Variants in SFRP1 observed in about 807,000 individuals in gnomAD.
The protein encoded by SFRP1 is secreted frizzled related protein 1.
In SFRP1, 9 loss-of-function variants were observed where a neutral mutation model predicts 25.9. The ratio of observed to expected loss-of-function variants is 0.35; its 90% CI spans 0.21 to 0.61. SFRP1 has a LOEUF of 0.61. Among genes scored for constraint, SFRP1 ranks in the 20% least tolerant of loss-of-function variants. SFRP1 has a pLI of 0.78. For synonymous variants in SFRP1, 178 were observed against 174.0 expected (o/e 1.02, Z -0.18); for missense variants, 346 against 418.2 (o/e 0.83, Z 1.51).
At chr8:41,306,773 C>G (rs756565688) in intron 1 of SFRP1, 6 of 1,598,126 alleles carry the variant, frequency 3.8e-6, no homozygotes, top group Non-Finnish European at 5.1e-6. Flanking sequence ...CCAAGCCAGG[C>G]TGAGAAGGGC....
chr8:41,268,787 G>T (rs906572907), intron 2 of SFRP1, among the ~76,000 whole-genome samples: 1 of 152,182 alleles, frequency 6.6e-6, no homozygotes, highest in Non-Finnish European at 1.5e-5. Flanking sequence ...GGCTGCTGGG[G>T]CGAGGGCAGG....
At chr8:41,291,822 T>C (rs952630020) in intron 2 of SFRP1, among the ~76,000 whole-genome samples, 6 of 152,082 alleles carry the variant, frequency 3.9e-5, no homozygotes, top group African/African-American at 1.2e-4. Flanking sequence ...GGAAACACCA[T>C]GAGGAGCAGC....
At position 41,309,156 on chromosome 8, in the gene SFRP1, C is replaced by G. The variant is rs1040811307; in HGVS notation, c.4G>C (p.Gly2Arg). The change falls in exon 1 of 3, where the codon GGC (glycine) becomes CGC (arginine). Residue 2 changes from glycine (G) to arginine (R), a missense_variant. Coordinates refer to ENST00000220772, the MANE Select transcript of SFRP1 (RefSeq NM_003012.5). MGIGRSEGGRRG... is the reference protein window; with the variant it reads MRIGRSEGGRRG... ...CGGCCCCCCTCGCTGCGCCCGATGC[C>G]CATGCCGGCTCTGCGCCCTGTTCTC... The G allele has an allele frequency of 2.9e-6, 4 of 1,395,770 alleles. No individual in the cohort carries two copies. Among genetic ancestry groups the G allele is most frequent in the African/African-American group, 3.1e-5 (2 of 65,312 alleles). The allele number at this position is 1,395,770 out of a possible 1,614,324, so 86.5% of individuals were successfully genotyped here.
At chr8:41,279,957 C>T (rs576164985) in intron 2 of SFRP1, among the ~76,000 whole-genome samples, 22 of 152,330 alleles carry the variant, frequency 1.4e-4, no homozygotes, top group Middle Eastern at 3.4e-3. Flanking sequence ...CCTGAATAGT[C>T]TCTTTCTTTT....
intron 2 of SFRP1, among the ~76,000 whole-genome samples, chr8:41,270,501 T>G (rs980019160): frequency 3.3e-5 from 5 of 151,836 alleles, no homozygotes; most frequent in African/African-American, 1.2e-4. Context: ...ACAAGCCCAT[T>G]TGCACTCCAG....
At position 41,303,442 on chromosome 8, in the gene SFRP1, G is replaced by A. The variant is rs375196121; in HGVS notation, c.622+19C>T. The A allele has an allele frequency of 1.0e-5, 16 of 1,603,022 alleles. No individual in the cohort carries two copies. In the African/African-American group the frequency reaches 1.9e-4, roughly 19 times the overall value. ...GGAGGTTCCAAACCTTCCAGAGGCA[G>A]CTAGAAACGCTTTCTTACCAAACTC... On this transcript the variant is annotated intron_variant, in intron 2 of 2. Transcript: ENST00000220772.
intron 2 of SFRP1, among the ~76,000 whole-genome samples, chr8:41,289,768 T>C (rs1031156790): frequency 6.6e-6 from 1 of 152,218 alleles, no homozygotes; most frequent in Non-Finnish European, 1.5e-5. Context: ...ACCAAGACCA[T>C]AGGAGTGTTC....
rs117882168 is a variant in SFRP1 at position 41,273,643 on chromosome 8, C to T, written c.623-8154G>A. The stretch of plus-strand genomic sequence containing the variant: ...CTATTTAAAAAAATGCAGAATTAAA[C>T]AAGACACGGGATTCAGGAAACCAAA... On this transcript the variant is annotated intron_variant, in intron 2 of 2. Coordinates refer to ENST00000220772, the MANE Select transcript of SFRP1 (RefSeq NM_003012.5). 3.6e-4 allele frequency among the ~76,000 whole-genome samples: 55 copies of T among 152,198 alleles called. No individual in the cohort carries two copies. The East Asian group carries it at 0.01, about 28-fold the overall frequency.
chr8:41,268,345 A>C (rs1439861430), intron 2 of SFRP1, among the ~76,000 whole-genome samples: 1 of 151,692 alleles, frequency 6.6e-6, no homozygotes, highest in African/African-American at 2.4e-5. Context: ...TAACCCCAAA[A>C]CCACTCTTTC....
intron 2 of SFRP1, among the ~76,000 whole-genome samples, chr8:41,274,429 A>G (rs1332549488): frequency 6.6e-6 from 1 of 152,214 alleles, no homozygotes. Context: ...GGAAATAAAT[A>G]TGCAGTACAC....
intron 2 of SFRP1, chr8:41,271,287 G>C (rs1335278946): frequency 6.5e-6 from 1 of 153,994 alleles, no homozygotes; most frequent in Non-Finnish European, 1.5e-5. Flanking sequence ...AAGTATTTAA[G>C]GAAAGCCTCC....
intron 1 of SFRP1, among the ~76,000 whole-genome samples, chr8:41,304,350 A>G (rs7825844): frequency 0.077 from 11,654 of 152,252 alleles, 1,376 homozygotes; most frequent in African/African-American, 0.25. Flanking sequence ...AAAGGACTCC[A>G]GCTTCCCAGG....
At position 41,308,508 on chromosome 8, in the gene SFRP1, A is replaced by G. The variant is rs1180576884; in HGVS notation, c.544+108T>C. 1.4e-5 allele frequency: 13 copies of G among 900,282 alleles called. No homozygotes were observed. In the East Asian group the frequency reaches 3.4e-4, roughly 24 times the overall value. The allele number at this position is 900,282 out of a possible 1,614,324, so 55.8% of individuals were successfully genotyped here. A position where few individuals can be genotyped will look rare whatever the true frequency, so the allele number is the denominator to read the frequency against. ...GAGCAACCTCGGGCCCTCAGTCCCC[A>G]GCACCGGGACCCAGCGGCGGGCGGG... On this transcript the variant is annotated intron_variant, in intron 1 of 2. Transcript: ENST00000220772.
rs2117527207 is a variant in SFRP1 at position 41,309,345 on chromosome 8, A to G, written c.-186T>C. 1 of 540,522 alleles carries G rather than the reference A, an allele frequency of 1.9e-6. No homozygotes were observed. The highest frequency in any genetic ancestry group is 2.6e-6 in the Non-Finnish European group (1 of 390,660). The allele number at this position is 540,522 out of a possible 1,614,324, so 33.5% of individuals were successfully genotyped here. ...GTGGCGGCCCTCGGCCTGCGGTCGG[A>G]GGCGGCGCGGGCGGGGAGGCGGCGC... On this transcript the variant is annotated 5_prime_UTR_variant, in exon 1 of 3. Coordinates refer to ENST00000220772, the MANE Select transcript of SFRP1 (RefSeq NM_003012.5).
chr8:41,291,002 G>C (rs547951168), intron 2 of SFRP1, among the ~76,000 whole-genome samples: 133 of 139,338 alleles, frequency 9.5e-4, no homozygotes, highest in East Asian at 5.5e-3. Flanking sequence ...CACCTCCCAG[G>C]TTCACACCTT....
chr8:41,282,981 C>T (rs564816651), intron 2 of SFRP1, among the ~76,000 whole-genome samples: 10 of 152,266 alleles, frequency 6.6e-5, no homozygotes, highest in Admixed American at 5.2e-4. Flanking sequence ...TGGCTATCTA[C>T]GATCTCATTC....
At chr8:41,265,607 T>G (rs529907140) in intron 2 of SFRP1, 118 bp from the exon 3 acceptor site, 30 of 694,566 alleles carry the variant, frequency 4.3e-5, no homozygotes, top group African/African-American at 3.7e-5. Context: ...TTTTGGCTTA[T>G]ACTTTCTTCT....
Position 41,296,320 on chromosome 8 carries a change from T to C in SFRP1, c.622+7141A>G, listed in dbSNP as rs542626694. On this transcript the variant is annotated intron_variant, in intron 2 of 2. Transcript: ENST00000220772. ...TGAACAGGCCCAGAGTTTATTTTAC[T>C]GCCAGATAAACAACTTTCTTTGATA... Among the ~76,000 whole-genome samples, 6 of 152,372 alleles carry C rather than the reference T, an allele frequency of 3.9e-5. No homozygotes were observed. In the South Asian group the frequency reaches 1.2e-3, roughly 32 times the overall value.
At chr8:41,296,744 G>A (rs554140080) in intron 2 of SFRP1, among the ~76,000 whole-genome samples, 45 of 152,258 alleles carry the variant, frequency 3.0e-4, no homozygotes, top group African/African-American at 1.0e-3. Flanking sequence ...GGGCTCTGAA[G>A]TCCCTCAAAC....
Sources: gnomAD v4.1 joint callset for allele counts (sites outside exome capture counted in the v4.1 genomes callset) on GRCh38, gnomAD v4.1.1 for gene constraint, MANE v1.5 for transcripts, NCBI Gene and HGNC (gene_info 2026-07-23, HGNC 2026-07-21) for gene names.